The following PFKFB2 variants were observed in gnomAD, a reference collection of about 807,000 sequenced individuals.
PFKFB2 encodes 6-phosphofructo-2-kinase/fructose-2,6-biphosphatase 2, also known as 6-phosphofructo-2-kinase/fructose-2,6-bisphosphatase 2.
In PFKFB2, 53 loss-of-function variants were observed where a neutral mutation model predicts 68.0. The ratio of observed to expected loss-of-function variants is 0.78; its 90% confidence interval spans 0.63 to 0.98. PFKFB2 has a LOEUF of 0.98. Among genes scored for constraint, PFKFB2 ranks in the 50% least tolerant of loss-of-function variants. The probability of loss-of-function intolerance (pLI) is 0.00; values close to 1 mark genes in which losing one functional copy is unlikely to be tolerated. For synonymous variants in PFKFB2, 222 were observed against 227.6 expected, an observed-to-expected ratio of 0.98 and a Z score of 0.22; for missense variants, 451 against 642.0, an observed-to-expected ratio of 0.70 and a Z score of 3.22.
intron 11 of PFKFB2, 35 bp downstream of exon 11, chr1:207,069,563 G>A (rs770318124): frequency 7.5e-7 from 1 of 1,325,798 alleles, no homozygotes; most frequent in South Asian, 1.2e-5. Context: ...TGACTGCCTA[G>A]ACCCTTGCTG....
chr1:207,036,802 C>A (rs571717012), intron 1 of PFKFB2, among the ~76,000 whole-genome samples: 10 of 152,352 alleles, frequency 6.6e-5, no homozygotes, highest in Admixed American at 2.6e-4. Flanking sequence ...TTCTCTCCTG[C>A]ATCATCATTT....
chr1:207,035,262 C>T (rs1682353836), intron 1 of PFKFB2: 15 of 928,172 alleles, frequency 1.6e-5, no homozygotes, highest in Non-Finnish European at 1.8e-5. Context: ...GTACAACCTC[C>T]CCACTTAGGC....
At chr1:207,058,455 G>A (rs1682993378) in intron 2 of PFKFB2, among the ~76,000 whole-genome samples, 1 of 152,198 alleles carries the variant, frequency 6.6e-6, no homozygotes, top group African/African-American at 2.4e-5. Context: ...AGCTGGGACT[G>A]AATGGGCAGT....
Position 207,062,022 on chromosome 1 carries a change from C to T in PFKFB2, c.155C>T (p.Thr52Ile). Reference protein sequence around the residue: ...VMIGLPARGKTYVSKKLTRYL... With the variant: ...VMIGLPARGKIYVSKKLTRYL... ...ATTGGTTTGCCAGCCCGGGGTAAAA[C>T]CTACGTGTCCAAGAAACTAACACGC... The change falls in exon 3 of 15, where the codon ACC becomes ATC. Residue 52 changes from threonine to isoleucine, a missense_variant. Physicochemically the swap from Thr to Ile is moderately conservative, Grantham distance 89. Transcript: ENST00000367080. 6.2e-7 allele frequency: 1 copy of T among 1,614,224 alleles called. No homozygotes were observed. The highest frequency in any genetic ancestry group is 1.7e-5 in the Admixed American group (1 of 60,032).
intron 2 of PFKFB2, among the ~76,000 whole-genome samples, chr1:207,057,302 CAAAAAAAAAAAA>C (rs748726221): frequency 1.5e-4 from 6 of 40,402 alleles, no homozygotes; most frequent in African/African-American, 3.6e-4. Context: ...AAAAAAACTA[CAAAAAAAAAAAA>C]AAAAAAAAAA....
intron 2 of PFKFB2, among the ~76,000 whole-genome samples, chr1:207,057,275 G>A (rs1183621221): frequency 7.0e-5 from 9 of 129,254 alleles, no homozygotes; most frequent in South Asian, 2.4e-4. Context: ...GTGAAACCCC[G>A]TCTCTACTAA....
intron 3 of PFKFB2, 91 bp from the exon 4 acceptor site, chr1:207,062,529 T>C (rs1358710116): frequency 1.3e-6 from 2 of 1,551,970 alleles, no homozygotes; most frequent in Non-Finnish European, 1.7e-6. Context: ...TTCATCCCCT[T>C]GGTCACTCCG....
upstream of PFKFB2, chr1:207,048,847 T>C (rs927685336): frequency 2.7e-5 from 17 of 637,278 alleles, no homozygotes; most frequent in Non-Finnish European, 4.0e-5. Flanking sequence ...ATCTGTAAAC[T>C]TGCACACTAA....
At position 207,073,510 on chromosome 1, in the gene PFKFB2, A is replaced by G; in HGVS notation, c.*1139A>G. On this transcript the variant is annotated 3_prime_UTR_variant, in exon 15 of 15. Coordinates refer to ENST00000367080, the MANE Select transcript of PFKFB2 (RefSeq NM_006212.2). The stretch of plus-strand genomic sequence containing the variant: ...ATTTCAGCACACTGTCCTTAAGAAG[A>G]AAGAAACATCAAAACAAAATAGTTT... 2.0e-6 allele frequency: 2 copies of G among 985,390 alleles called. No individual in the cohort carries two copies. Among genetic ancestry groups the G allele is most frequent in the Non-Finnish European group, 2.4e-6 (2 of 829,858 alleles). The allele number at this position is 985,390 out of a possible 1,614,324, so 61.0% of individuals were successfully genotyped here.
In PFKFB2 at chr1:207,073,796, T is replaced by G; in HGVS notation, c.*1425T>G. 1.0e-6 allele frequency: 1 copy of G among 985,374 alleles called. No individual in the cohort carries two copies. The highest frequency in any genetic ancestry group is 1.2e-6 in the Non-Finnish European group (1 of 829,852). The allele number at this position is 985,374 out of a possible 1,614,324, so 61.0% of individuals were successfully genotyped here. A position where few individuals can be genotyped will look rare whatever the true frequency, so the allele number is the denominator to read the frequency against. On this transcript the variant is annotated 3_prime_UTR_variant, in exon 15 of 15. Coordinates refer to ENST00000367080, the MANE Select transcript of PFKFB2 (RefSeq NM_006212.2). ...TGATGACCATGATGGCTTATTCTCT[T>G]TCCCAATTTTGCATGCAAAATGTAC...
chr1:207,065,314 A>G (rs889438881), intron 8 of PFKFB2, 154 bp downstream of exon 8: 1 of 984,876 alleles, frequency 1.0e-6, no homozygotes, highest in Non-Finnish European at 1.2e-6. Context: ...TGTGGCTTTT[A>G]TGTGGATTGC....
At chr1:207,050,819 T>G, upstream of PFKFB2, 4 of 1,613,246 alleles carry the variant, frequency 2.5e-6, no homozygotes, top group Non-Finnish European at 3.4e-6. Flanking sequence ...GCCCTGGAGT[T>G]CCCGCACCCG....
At chr1:207,061,077 TTATATATCTTTATATATATC>T (rs2102346634) in intron 2 of PFKFB2, 1 of 85,798 alleles carries the variant, frequency 1.2e-5, no homozygotes, top group Admixed American at 1.2e-4. Flanking sequence ...ATATATATCT[TTATATATCTTTATATATATC>T]TTTATATATA....
At chr1:207,054,119 G>A (rs1223818060) in intron 1 of PFKFB2, among the ~76,000 whole-genome samples, 2 of 151,668 alleles carry the variant, frequency 1.3e-5, no homozygotes, top group African/African-American at 4.8e-5. Flanking sequence ...GGCCAGGATG[G>A]TCTCTATCTC....
intron 10 of PFKFB2, among the ~76,000 whole-genome samples, chr1:207,068,726 G>C (rs761081205): frequency 6.6e-6 from 1 of 151,574 alleles, no homozygotes; most frequent in South Asian, 2.1e-4. Flanking sequence ...CTCTCTTCTT[G>C]AGTACAAAAG....
At chr1:207,040,465 T>G (rs765707212) in intron 1 of PFKFB2, among the ~76,000 whole-genome samples, 1 of 151,972 alleles carries the variant, frequency 6.6e-6, no homozygotes, top group Non-Finnish European at 1.5e-5. Flanking sequence ...GTTAAAAGAG[T>G]GGCAGCTACT....
chr1:207,075,232 G>A lies in PFKFB2; in HGVS notation c.*2861G>A, dbSNP rs377550837. 2.6e-4 allele frequency: 258 copies of A among 985,470 alleles called. No homozygotes were observed. The highest frequency in any genetic ancestry group is 7.0e-4 in the South Asian group (15 of 21,286). 61.0% of individuals were successfully genotyped at this position (985,470 alleles called of 1,614,324 possible). A position where few individuals can be genotyped will look rare whatever the true frequency, so the allele number is the denominator to read the frequency against. Reference sequence around the variant, plus strand: ...TGTTCATTCTGGCTCTCAGCCTGCTGTTATTTCCCCACTCTCACCTGTGCT... The same window carrying A: ...TGTTCATTCTGGCTCTCAGCCTGCTATTATTTCCCCACTCTCACCTGTGCT... On this transcript the variant is annotated 3_prime_UTR_variant, in exon 15 of 15. Transcript: ENST00000367080.
At chr1:207,056,658 C>T (rs114895372) in intron 2 of PFKFB2, among the ~76,000 whole-genome samples, 2,742 of 151,962 alleles carry the variant, frequency 0.018, 37 homozygotes, top group Non-Finnish European at 0.03. Context: ...GCTCTGGGCT[C>T]TAATCTCTTT....
At chr1:207,069,854 TATTTCCCTGTCATCTTG>T (rs1426019757) in intron 11 of PFKFB2, among the ~76,000 whole-genome samples, 1 of 152,186 alleles carries the variant, frequency 6.6e-6, no homozygotes, top group African/African-American at 2.4e-5. Context: ...GGATAGGAAT[TATTTCCCTGTCATCTTG>T]AGTGTTTTAG....
Sources: allele counts gnomAD v4.1 joint callset (sites outside exome capture counted in the v4.1 genomes callset), GRCh38; gene constraint gnomAD v4.1.1; transcripts MANE v1.5; gene names NCBI Gene and HGNC (gene_info 2026-07-23, HGNC 2026-07-21).